HRH2: variants seen among roughly 807,000 people sequenced by gnomAD.
HRH2 encodes the protein histamine H2 receptor.
A neutral mutation model predicts 20.1 loss-of-function variants in HRH2; 4 were observed. That is an observed-to-expected ratio of 0.20 (90% CI 0.10 to 0.45). The LOEUF (loss-of-function observed/expected upper bound fraction) is 0.45. HRH2 is among the 20% of genes least tolerant of loss of function. The pLI, the probability that HRH2 is intolerant of heterozygous loss-of-function variation, is 0.99. For synonymous variants in HRH2, 197 were observed against 200.7 expected (o/e 0.98, Z 0.16); for missense variants, 250 against 461.6 (o/e 0.54, Z 4.20).
At chr5:175,660,205 C>T (rs1762697898) in intron 1 of HRH2, among the ~76,000 whole-genome samples, 1 of 152,156 alleles carries the variant, frequency 6.6e-6, no homozygotes, top group African/African-American at 2.4e-5. Context: ...GAAGAAATCC[C>T]TGATGATGGG....
chr5:175,693,079 C>G lies in HRH2; in HGVS notation c.1076+8770C>G, dbSNP rs1196711355. On this transcript the variant is annotated intron_variant, in intron 2 of 2. Coordinates refer to ENST00000636584, the MANE Select transcript of HRH2 (RefSeq NM_001367711.1). The surrounding 1 kb of genome is among the most constrained non-coding windows in gnomAD (Gnocchi z 4.4). ...CCCTGCCACAGATTGGCTGTGTGAGCTTGGAGAGATCGCATCCCTCTCTGA... is the reference window on the plus strand; with the variant it reads ...CCCTGCCACAGATTGGCTGTGTGAGGTTGGAGAGATCGCATCCCTCTCTGA... Among the ~76,000 whole-genome samples the G allele has an allele frequency of 6.6e-6, 1 of 152,180 alleles. No individual in the cohort carries two copies. The highest frequency in any genetic ancestry group is 1.5e-5 in the Non-Finnish European group (1 of 68,032).
chr5:175,665,937 AT>A (rs879348750), intron 1 of HRH2, among the ~76,000 whole-genome samples: 8 of 152,126 alleles, frequency 5.3e-5, no homozygotes, highest in Non-Finnish European at 1.2e-4. Context: ...TTTAAATGAG[AT>A]TTCATTGAAA....
At chr5:175,692,142 T>C (rs1756404483) in intron 2 of HRH2, among the ~76,000 whole-genome samples, 1 of 152,148 alleles carries the variant, frequency 6.6e-6, no homozygotes, top group Non-Finnish European at 1.5e-5. Context: ...ATAGTAAATA[T>C]TTTAGGCTGT....
rs1165605217 is a variant in HRH2 at position 175,709,162 on chromosome 5, C to T, written c.*1191C>T. On this transcript the variant is annotated 3_prime_UTR_variant, in exon 3 of 3. Transcript: ENST00000636584. ...GTGGCATCTCCTGGCTGGCCCCTGA[C>T]ACTCAATCTTCCTTGGTTTCCAAGA... 2.6e-5 allele frequency: 4 copies of T among 152,350 alleles called. No individual in the cohort carries two copies. In the East Asian group the frequency reaches 7.7e-4, roughly 29 times the overall value. 9.4% of individuals were successfully genotyped at this position (152,350 alleles called of 1,614,324 possible).
intron 2 of HRH2, among the ~76,000 whole-genome samples, chr5:175,704,233 G>C (rs984431421): frequency 1.3e-4 from 20 of 152,028 alleles, no homozygotes; most frequent in African/African-American, 4.6e-4. Flanking sequence ...AAAAATTTCA[G>C]AGCATTAGAA....
intron 2 of HRH2, among the ~76,000 whole-genome samples, chr5:175,704,886 T>G (rs1412014823): frequency 6.6e-6 from 1 of 151,912 alleles, no homozygotes; most frequent in Non-Finnish European, 1.5e-5. Context: ...TTTTGTTAGA[T>G]GAGTACCTGG....
intron 2 of HRH2, among the ~76,000 whole-genome samples, chr5:175,696,392 G>GC (rs1396109181): frequency 8.5e-5 from 13 of 152,196 alleles, no homozygotes; most frequent in Admixed American, 3.3e-4. Context: ...AAGGCAGGGA[G>GC]CCCCCCACTT....
At chr5:175,694,206 C>T (rs1044080310) in intron 2 of HRH2, among the ~76,000 whole-genome samples, 4 of 152,128 alleles carry the variant, frequency 2.6e-5, no homozygotes, top group African/African-American at 9.7e-5. Flanking sequence ...ACCTCATAGG[C>T]CACCACTTCA....
chr5:175,662,970 G>T (rs1024142081), intron 1 of HRH2, among the ~76,000 whole-genome samples: 1 of 152,126 alleles, frequency 6.6e-6, no homozygotes, highest in Middle Eastern at 3.2e-3. Context: ...TGTTTTTAAG[G>T]TTCATCCATG....
intron 2 of HRH2, among the ~76,000 whole-genome samples, chr5:175,694,353 C>T (rs572931714): frequency 6.6e-6 from 1 of 152,262 alleles, no homozygotes; most frequent in Non-Finnish European, 1.5e-5. Context: ...CAGTGTAAGT[C>T]CCCGGAGGCT....
intron 1 of HRH2, among the ~76,000 whole-genome samples, chr5:175,662,532 C>T (rs967626442): frequency 6.6e-6 from 1 of 152,154 alleles, no homozygotes; most frequent in Non-Finnish European, 1.5e-5. Context: ...AGGTGTTTAC[C>T]AAGGGCCTTC....
chr5:175,668,292 G>T (rs1755377715), intron 1 of HRH2, among the ~76,000 whole-genome samples: 1 of 152,180 alleles, frequency 6.6e-6, no homozygotes, highest in African/African-American at 2.4e-5. Context: ...CTGGGGCTTG[G>T]CACACATTTA....
In HRH2 at chr5:175,683,186, GA is replaced by G; in HGVS notation, c.-46del. 6.4e-7 allele frequency: 1 copy of G among 1,573,668 alleles called. No homozygotes were observed. The highest frequency in any genetic ancestry group is 8.6e-7 in the Non-Finnish European group (1 of 1,156,814). The stretch of plus-strand genomic sequence containing the variant: ...TAGTTGTCACATTGGGAGCAGAGAA[GA>G]AGCAACCAGGGGCCCTGATCAGGGG... On this transcript the variant is annotated 5_prime_UTR_variant, in exon 2 of 3. Transcript: ENST00000636584.
At chr5:175,674,265 T>C (rs548880435) in intron 1 of HRH2, among the ~76,000 whole-genome samples, 1 of 152,292 alleles carries the variant, frequency 6.6e-6, no homozygotes, top group South Asian at 2.1e-4. Context: ...GCCTGCCTCT[T>C]TACTGGCTGT....
chr5:175,667,994 T>G lies in HRH2; in HGVS notation c.-526+9839T>G, dbSNP rs1469074724. On this transcript the variant is annotated intron_variant, in intron 1 of 2. Transcript: ENST00000636584. ...CTGAAAATAGGCTGGAAAAAGGGGATGTGGGGTTCATCATTCTCTCCTCTC... is the reference window on the plus strand; with the variant it reads ...CTGAAAATAGGCTGGAAAAAGGGGAGGTGGGGTTCATCATTCTCTCCTCTC... Among the ~76,000 whole-genome samples, 5 of 152,260 alleles carry G rather than the reference T, an allele frequency of 3.3e-5. No homozygotes were observed. The East Asian group carries it at 7.7e-4, about 24-fold the overall frequency.
chr5:175,701,152 A>C (rs1390430072), intron 2 of HRH2, among the ~76,000 whole-genome samples: 2 of 152,204 alleles, frequency 1.3e-5, no homozygotes, highest in Non-Finnish European at 2.9e-5. Context: ...ACAGATGAGG[A>C]AACCGAGGCT....
chr5:175,685,677 G>T, intron 2 of HRH2: 1 of 620,540 alleles, frequency 1.6e-6, no homozygotes. Context: ...TTTCCTCATC[G>T]CATAGAGAGT....
At chr5:175,694,795 C>G (rs1490621920) in intron 2 of HRH2, among the ~76,000 whole-genome samples, 2 of 152,190 alleles carry the variant, frequency 1.3e-5, no homozygotes, top group Non-Finnish European at 2.9e-5. Context: ...TCCAGTGACC[C>G]CAGCTCCTCT....
chr5:175,680,388 C>A (rs1471996483), intron 1 of HRH2, among the ~76,000 whole-genome samples: 1 of 152,178 alleles, frequency 6.6e-6, no homozygotes, highest in East Asian at 1.9e-4. Context: ...CATGAGAAAC[C>A]CAGGAGGCCC....
Sources: allele counts gnomAD v4.1 joint callset (sites outside exome capture counted in the v4.1 genomes callset), GRCh38; gene constraint gnomAD v4.1.1; non-coding constraint Gnocchi (gnomAD v3.1); transcripts MANE v1.5; gene names NCBI Gene and HGNC (gene_info 2026-07-23, HGNC 2026-07-21).